Variants in REPS2 observed in about 807,000 individuals in gnomAD.
The protein encoded by REPS2 is ralBP1-associated Eps domain-containing protein 2.
A neutral mutation model predicts 53.6 loss-of-function variants in REPS2; 23 were observed. The observed-to-expected ratio is 0.43, with a 90% CI of 0.31 to 0.61. REPS2 has a LOEUF of 0.61. Ranked by LOEUF, REPS2 falls within the 20% of genes least tolerant of loss-of-function variation. REPS2 has a pLI of 0.11. For missense variants in REPS2, 446 were observed against 534.9 expected (o/e 0.83, Z 1.64); for synonymous variants, 238 against 218.6 (o/e 1.09, Z -0.78).
chrX:17,180,173 G>T, the REPS2 span, among the ~76,000 whole-genome samples: 1 of 111,409 alleles, frequency 9.0e-6, no homozygotes, highest in East Asian at 2.8e-4. Context: ...ACTGAGGAGG[G>T]TCTTAGGGTA....
intron 13 of REPS2, among the ~76,000 whole-genome samples, chrX:17,083,234 G>A (rs1027751333): frequency 9.1e-6 from 1 of 109,381 alleles, no homozygotes; most frequent in Non-Finnish European, 1.9e-5. Flanking sequence ...ACAGGCACCT[G>A]CCACCACGCC....
At chrX:17,039,236 A>T (rs1007929952) in intron 5 of REPS2, among the ~76,000 whole-genome samples, 4 of 112,194 alleles carry the variant, frequency 3.6e-5, no homozygotes, top group Admixed American at 2.8e-4. Context: ...AATCCTGATA[A>T]TAGTGAAGGA....
the REPS2 span, among the ~76,000 whole-genome samples, chrX:17,186,889 T>C: frequency 9.1e-6 from 1 of 110,035 alleles, no homozygotes; most frequent in Admixed American, 9.7e-5. Context: ...CACATTAAAA[T>C]GGGAACCATG....
chrX:17,135,437 A>G (rs752538263), intron 16 of REPS2, 31 bp downstream of exon 16: 1 of 1,186,243 alleles, frequency 8.4e-7, no homozygotes, highest in Non-Finnish European at 1.1e-6. Flanking sequence ...AGAGTGAGGT[A>G]GGAATCTCGC....
intron 2 of REPS2, among the ~76,000 whole-genome samples, chrX:17,017,341 G>A (rs2061511981): frequency 8.9e-6 from 1 of 111,976 alleles, no homozygotes; most frequent in South Asian, 3.6e-4. Context: ...AATACATTGG[G>A]TGATTATCAC....
chrX:17,077,101 A>T (rs939230857), intron 12 of REPS2, among the ~76,000 whole-genome samples, 170 bp from the exon 13 acceptor site: 6 of 112,089 alleles, frequency 5.4e-5, no homozygotes, highest in African/African-American at 1.9e-4. Context: ...TTGGATTTGG[A>T]CAATTATTGT....
rs2063573267 is a variant in REPS2 at position 17,151,960 on chromosome X, G to A, written c.*4479G>A. 2 of 109,409 alleles carry A rather than the reference G, an allele frequency of 1.8e-5. No homozygotes were observed. The allele number at this position is 109,409 out of a possible 1,213,427, so 9.0% of individuals were successfully genotyped here. ...TGTTTTTGGAGTCCTCAGCTCACAT[G>A]TCTTGTTCCTCCTTCAGCACAAGCT... On this transcript the variant is annotated 3_prime_UTR_variant, in exon 18 of 18. Coordinates refer to ENST00000357277, the MANE Select transcript of REPS2 (RefSeq NM_004726.3).
chrX:17,072,615 C>T (rs1009560664), intron 11 of REPS2, among the ~76,000 whole-genome samples: 9 of 112,544 alleles, frequency 8.0e-5, no homozygotes, highest in African/African-American at 2.9e-4. Context: ...AGTATTTTAT[C>T]ATGGCGGGGA....
chrX:17,033,796 G>A (rs1373336962), intron 5 of REPS2, among the ~76,000 whole-genome samples: 1 of 112,156 alleles, frequency 8.9e-6, no homozygotes, highest in Non-Finnish European at 1.9e-5. Context: ...CTTGATTGAA[G>A]CCTGTCCCTC....
intron 17 of REPS2, among the ~76,000 whole-genome samples, chrX:17,140,958 G>A (rs1270551754): frequency 9.1e-6 from 1 of 110,263 alleles, no homozygotes; most frequent in African/African-American, 3.3e-5. Flanking sequence ...TTTTAGTAGA[G>A]GTGGGGTTTC....
chrX:17,173,761 T>G, the REPS2 span, among the ~76,000 whole-genome samples: 9 of 112,325 alleles, frequency 8.0e-5, no homozygotes, highest in East Asian at 2.2e-3. Context: ...AAAACTGCAG[T>G]GATCACCCTA....
intron 1 of REPS2, among the ~76,000 whole-genome samples, chrX:16,980,404 G>A (rs1361298381): frequency 9.0e-6 from 1 of 111,426 alleles, no homozygotes; most frequent in Non-Finnish European, 1.9e-5. Flanking sequence ...CCAGGTTCAA[G>A]CGATTCTCCT....
At chrX:17,079,595 G>T (rs1030799711) in intron 13 of REPS2, among the ~76,000 whole-genome samples, 1 of 112,177 alleles carries the variant, frequency 8.9e-6, no homozygotes, top group Admixed American at 9.4e-5. Context: ...ACTTCAAGAT[G>T]AAAAGTATTT....
At chrX:17,128,880 T>A (rs903882520) in intron 14 of REPS2, among the ~76,000 whole-genome samples, 4 of 112,614 alleles carry the variant, frequency 3.6e-5, no homozygotes, top group Non-Finnish European at 5.6e-5. Flanking sequence ...TATTATATAT[T>A]TTTAAAAGGA....
At chrX:17,161,607 T>C in the REPS2 span, among the ~76,000 whole-genome samples, 1 of 109,581 alleles carries the variant, frequency 9.1e-6, no homozygotes. Flanking sequence ...ATAACCCTGC[T>C]GATCTCCTGC....
chrX:16,987,918 G>A (rs1602601577), intron 1 of REPS2, among the ~76,000 whole-genome samples: 2 of 111,237 alleles, frequency 1.8e-5, no homozygotes, highest in African/African-American at 6.5e-5. Context: ...CTGTTTTTCA[G>A]CGTTGTGCTA....
chrX:17,022,044 C>T (rs897830039), intron 2 of REPS2, 79 bp from the exon 3 acceptor site: 3 of 897,346 alleles, frequency 3.3e-6, no homozygotes, highest in African/African-American at 4.0e-5. Context: ...AATGATTCAT[C>T]GTTTGGCCAT....
At chrX:17,186,778 G>A in the REPS2 span, among the ~76,000 whole-genome samples, 1 of 111,229 alleles carries the variant, frequency 9.0e-6, no homozygotes, top group Non-Finnish European at 1.9e-5. Flanking sequence ...CATAATTTTA[G>A]TAGCTGATGG....
At chrX:16,978,812 G>A (rs1459861344) in intron 1 of REPS2, among the ~76,000 whole-genome samples, 1 of 112,019 alleles carries the variant, frequency 8.9e-6, no homozygotes, top group African/African-American at 3.2e-5. Context: ...AAAAGTAATA[G>A]AGCTGGATCT....
Sources: allele counts gnomAD v4.1 joint callset (sites outside exome capture counted in the v4.1 genomes callset), GRCh38; gene constraint gnomAD v4.1.1; transcripts MANE v1.5; gene names NCBI Gene and HGNC (gene_info 2026-07-23, HGNC 2026-07-21).